The following AUTS2 variants were observed in gnomAD, a reference collection of about 807,000 sequenced individuals.
AUTS2 encodes activator of transcription and developmental regulator AUTS2, also known as autism susceptibility gene 2 protein.
In AUTS2, 17 loss-of-function variants were observed where a neutral mutation model predicts 112.4. The ratio of observed to expected loss-of-function variants is 0.15; its 90% CI spans 0.10 to 0.23. The LOEUF is 0.23. AUTS2 is among the 10% of genes least tolerant of loss of function. The pLI is 1.00. For synonymous variants in AUTS2, 751 were observed against 702.7 expected, an observed-to-expected ratio of 1.07 and a Z score of -1.09; for missense variants, 1,510 against 1,701.6, an observed-to-expected ratio of 0.89 and a Z score of 1.98.
intron 4 of AUTS2, among the ~76,000 whole-genome samples, chr7:70,185,660 T>C (rs143301698): frequency 6.6e-6 from 1 of 152,348 alleles, no homozygotes; most frequent in East Asian, 1.9e-4. Context: ...CATTCTACTT[T>C]TGGAGATCAT....
In AUTS2 at chr7:70,648,994, G is replaced by A. The variant is rs1014147264; in HGVS notation, c.691-49575G>A. Among the ~76,000 whole-genome samples the A allele has an allele frequency of 5.9e-5, 9 of 152,200 alleles. No homozygotes were observed. The East Asian group carries it at 1.5e-3, about 26-fold the overall frequency. ...GGAGATCTCTTTTGAGGAAATTAGA[G>A]AGTTTAGATCTGTTTTGAAATTAGG... On this transcript the variant is annotated intron_variant, in intron 5 of 18. Transcript: ENST00000342771.
At chr7:70,260,227 G>A (rs190543009) in intron 4 of AUTS2, among the ~76,000 whole-genome samples, 24 of 151,270 alleles carry the variant, frequency 1.6e-4, no homozygotes, top group African/African-American at 5.4e-4. Context: ...TTAGCCAGGC[G>A]TGGTGTTGCG....
intron 2 of AUTS2, among the ~76,000 whole-genome samples, chr7:69,994,254 G>A (rs1798854805): frequency 6.6e-6 from 1 of 152,108 alleles, no homozygotes; most frequent in African/African-American, 2.4e-5. Flanking sequence ...TATTAAATTG[G>A]TTTTCTAAGT....
chr7:69,717,442 A>G (rs1798669866), intron 1 of AUTS2, among the ~76,000 whole-genome samples: 1 of 152,128 alleles, frequency 6.6e-6, no homozygotes, highest in Non-Finnish European at 1.5e-5. Context: ...CCTGTGTGGA[A>G]ACTTTATAGC....
intron 6 of AUTS2, among the ~76,000 whole-genome samples, chr7:70,758,773 T>C (rs1482100958): frequency 6.6e-6 from 1 of 152,206 alleles, no homozygotes; most frequent in African/African-American, 2.4e-5. Flanking sequence ...TCTTAAAATG[T>C]GTTGCTGCCA....
intron 6 of AUTS2, among the ~76,000 whole-genome samples, chr7:70,721,279 C>CGTGTGTGTGT (rs55885084): frequency 0.099 from 13,838 of 139,980 alleles, 749 homozygotes; most frequent in African/African-American, 0.12. Flanking sequence ...GAATTTCATT[C>CGTGTGTGTGT]GTGTGTGTGT....
chr7:70,443,799 G>A (rs1796211550), intron 5 of AUTS2, among the ~76,000 whole-genome samples: 1 of 152,186 alleles, frequency 6.6e-6, no homozygotes, highest in African/African-American at 2.4e-5. Context: ...CTGTCACCAT[G>A]TACCTGTGAG....
chr7:69,971,850 G>T (rs1797862426), intron 2 of AUTS2, among the ~76,000 whole-genome samples: 1 of 152,088 alleles, frequency 6.6e-6, no homozygotes, highest in Non-Finnish European at 1.5e-5. Flanking sequence ...TTCTGTTGAT[G>T]GACATCTGAG....
intron 4 of AUTS2, among the ~76,000 whole-genome samples, chr7:70,332,167 A>G (rs1790783427): frequency 6.6e-6 from 1 of 152,308 alleles, no homozygotes; most frequent in Middle Eastern, 3.4e-3. Flanking sequence ...ATACACCAAT[A>G]ATAGACAAAC....
intron 4 of AUTS2, among the ~76,000 whole-genome samples, chr7:70,326,590 T>A (rs1206731603): frequency 6.6e-6 from 1 of 152,222 alleles, no homozygotes; most frequent in African/African-American, 2.4e-5. Context: ...TTTACCTTAT[T>A]GGCTAGAAGA....
At chr7:70,445,729 G>A (rs188154446) in intron 5 of AUTS2, among the ~76,000 whole-genome samples, 1 of 152,290 alleles carries the variant, frequency 6.6e-6, no homozygotes, top group Non-Finnish European at 1.5e-5. Context: ...ACAGAACTCA[G>A]TCTTCCTTTA....
At chr7:70,510,474 T>A (rs2116765102) in intron 5 of AUTS2, among the ~76,000 whole-genome samples, 1 of 152,240 alleles carries the variant, frequency 6.6e-6, no homozygotes, top group East Asian at 1.9e-4. Context: ...TCTCAAAGAG[T>A]GGCCCAGGTA....
chr7:69,734,077 G>T (rs1028607745), intron 1 of AUTS2, among the ~76,000 whole-genome samples: 1 of 152,068 alleles, frequency 6.6e-6, no homozygotes, highest in African/African-American at 2.4e-5. Context: ...TAAAATTCTG[G>T]ATATTGGACA....
chr7:70,235,006 C>T (rs1458793091), intron 4 of AUTS2, among the ~76,000 whole-genome samples: 2 of 152,142 alleles, frequency 1.3e-5, no homozygotes, highest in Non-Finnish European at 2.9e-5. Flanking sequence ...AAAAGATTCA[C>T]TAGCTACTGT....
intron 5 of AUTS2, among the ~76,000 whole-genome samples, chr7:70,657,523 T>C (rs570903265): frequency 6.6e-6 from 1 of 152,244 alleles, no homozygotes; most frequent in African/African-American, 2.4e-5. Flanking sequence ...GCTAAGCAGC[T>C]GGATAACTGA....
intron 11 of AUTS2, among the ~76,000 whole-genome samples, chr7:70,773,545 C>CCTTATTATTGTCTACCAGT (rs1790495079): frequency 6.6e-6 from 1 of 152,182 alleles, no homozygotes; most frequent in African/African-American, 2.4e-5. Flanking sequence ...GAGTATAATT[C>CCTTATTATTGTCTACCAGT]CTTATTATTG....
intron 1 of AUTS2, among the ~76,000 whole-genome samples, chr7:69,732,998 T>A (rs929053162): frequency 9.9e-5 from 15 of 152,206 alleles, no homozygotes; most frequent in African/African-American, 3.4e-4. Flanking sequence ...AGGGTGTCTT[T>A]TGAGAAGAAC....
chr7:69,712,015 G>A (rs1023963752), intron 1 of AUTS2, among the ~76,000 whole-genome samples: 72 of 152,088 alleles, frequency 4.7e-4, no homozygotes, highest in African/African-American at 1.7e-3. Context: ...TAGCTTTGAT[G>A]TCCTTTCCTC....
At chr7:70,508,497 A>C (rs1192026812) in intron 5 of AUTS2, among the ~76,000 whole-genome samples, 1 of 152,128 alleles carries the variant, frequency 6.6e-6, no homozygotes, top group Non-Finnish European at 1.5e-5. Context: ...ATTGCCTCAG[A>C]TCCTTCTTCT....
Sources: gnomAD v4.1 joint callset for allele counts (sites outside exome capture counted in the v4.1 genomes callset) on GRCh38, gnomAD v4.1.1 for gene constraint, MANE v1.5 for transcripts, NCBI Gene and HGNC (gene_info 2026-07-23, HGNC 2026-07-21) for gene names.